The following FSHR variants were observed in gnomAD, a reference collection of about 807,000 sequenced individuals.
The protein encoded by FSHR is follicle-stimulating hormone receptor.
In FSHR, 46 loss-of-function variants were observed where a neutral mutation model predicts 52.1. That is an observed-to-expected ratio of 0.88 (90% CI 0.70 to 1.13). The LOEUF (loss-of-function observed/expected upper bound fraction) is 1.13. Among genes scored for constraint, FSHR ranks in the 50% most tolerant of loss-of-function variants. The pLI is 0.00. For missense variants in FSHR, 964 were observed against 834.6 expected, an observed-to-expected ratio of 1.16 and a Z score of -1.91; for synonymous variants, 399 against 309.6, an observed-to-expected ratio of 1.29 and a Z score of -3.03.
At chr2:49,082,070 G>A (rs1197194755) in intron 1 of FSHR, among the ~76,000 whole-genome samples, 1 of 152,190 alleles carries the variant, frequency 6.6e-6, no homozygotes, top group Non-Finnish European at 1.5e-5. Context: ...CTCCCAGCGT[G>A]AGCGACACAG....
chr2:48,966,485 G>A (rs1352288530), intron 9 of FSHR, among the ~76,000 whole-genome samples: 2 of 152,176 alleles, frequency 1.3e-5, no homozygotes, highest in African/African-American at 4.8e-5. Context: ...ACGAACTTTT[G>A]GGAAGAGCCC....
At chr2:48,966,919 G>A (rs1472522666) in intron 9 of FSHR, among the ~76,000 whole-genome samples, 1 of 152,160 alleles carries the variant, frequency 6.6e-6, no homozygotes. Flanking sequence ...GGTCTGGAGG[G>A]ATCAGAGAAG....
intron 2 of FSHR, among the ~76,000 whole-genome samples, chr2:49,051,280 T>C (rs908555699): frequency 3.9e-5 from 6 of 152,126 alleles, no homozygotes; most frequent in African/African-American, 1.4e-4. Context: ...ACCAAAGAGG[T>C]TGTACAATTT....
At chr2:48,989,423 C>A (rs905402181) in intron 5 of FSHR, among the ~76,000 whole-genome samples, 7 of 151,990 alleles carry the variant, frequency 4.6e-5, no homozygotes, top group Non-Finnish European at 7.4e-5. Context: ...GCTGGGACTG[C>A]AGGTGTGCAC....
chr2:49,056,222 A>G (rs1669057263), intron 2 of FSHR, among the ~76,000 whole-genome samples: 1 of 151,864 alleles, frequency 6.6e-6, no homozygotes, highest in African/African-American at 2.4e-5. Flanking sequence ...AAAGACCCAA[A>G]TATATGCTGC....
intron 1 of FSHR, among the ~76,000 whole-genome samples, chr2:49,132,986 A>AAAAAAAAAAAAAAAAAAAAG (rs1672343708): frequency 2.0e-5 from 3 of 149,596 alleles, no homozygotes; most frequent in African/African-American, 7.4e-5. Context: ...AAAAAAAAAA[A>AAAAAAAAAAAAAAAAAAAAG]AAAAAAAAAG....
intron 1 of FSHR, among the ~76,000 whole-genome samples, chr2:49,097,125 T>G (rs1670851693): frequency 6.6e-6 from 1 of 152,214 alleles, no homozygotes; most frequent in Non-Finnish European, 1.5e-5. Context: ...GAGGAATCCA[T>G]GGTCATTTGC....
intron 8 of FSHR, among the ~76,000 whole-genome samples, chr2:48,972,365 A>T (rs1343713172): frequency 6.6e-6 from 1 of 152,174 alleles, no homozygotes; most frequent in East Asian, 1.9e-4. Flanking sequence ...CTCCCTCCCT[A>T]TTATGATTCT....
intron 1 of FSHR, among the ~76,000 whole-genome samples, chr2:49,073,611 C>T (rs557137711): frequency 2.0e-5 from 3 of 152,118 alleles, no homozygotes; most frequent in East Asian, 3.9e-4. Flanking sequence ...GTTAAAATGA[C>T]TATACCACCC....
intron 1 of FSHR, among the ~76,000 whole-genome samples, chr2:49,090,406 AC>A (rs1385758758): frequency 6.6e-6 from 1 of 152,196 alleles, no homozygotes; most frequent in Admixed American, 6.5e-5. Context: ...CTTTCAGTTC[AC>A]TTGAGATTCA....
intron 8 of FSHR, among the ~76,000 whole-genome samples, chr2:48,979,911 C>T (rs974646894): frequency 6.6e-6 from 1 of 152,160 alleles, no homozygotes; most frequent in African/African-American, 2.4e-5. Context: ...ATAGCCTACG[C>T]ATACTCCTAC....
chr2:49,103,561 G>T (rs994046849), intron 1 of FSHR, among the ~76,000 whole-genome samples: 2 of 152,084 alleles, frequency 1.3e-5, no homozygotes, highest in African/African-American at 2.4e-5. Flanking sequence ...GACATCCAAG[G>T]ATGTCAAAGG....
At chr2:49,011,048 AG>A (rs1465233184) in intron 4 of FSHR, among the ~76,000 whole-genome samples, 9 of 150,402 alleles carry the variant, frequency 6.0e-5, no homozygotes, top group Non-Finnish European at 8.9e-5. Context: ...CTCTGATTTT[AG>A]TTATTTCTTG....
chr2:49,013,463 A>T (rs1253465163), intron 4 of FSHR, among the ~76,000 whole-genome samples: 4 of 133,280 alleles, frequency 3.0e-5, no homozygotes, highest in East Asian at 4.2e-4. Flanking sequence ...TATATATATA[A>T]ATATATATAT....
intron 2 of FSHR, among the ~76,000 whole-genome samples, chr2:49,023,090 G>A (rs1667795373): frequency 6.6e-6 from 1 of 152,120 alleles, no homozygotes; most frequent in Non-Finnish European, 1.5e-5. Context: ...TATGCAGAGT[G>A]TGATAGAGGA....
intron 1 of FSHR, among the ~76,000 whole-genome samples, chr2:49,105,772 C>G (rs1400233788): frequency 6.6e-6 from 1 of 152,180 alleles, no homozygotes; most frequent in Non-Finnish European, 1.5e-5. Flanking sequence ...AGCAGACAAA[C>G]AAAGCTTTAG....
At chr2:49,056,159 A>G (rs1043876065) in intron 2 of FSHR, among the ~76,000 whole-genome samples, 2 of 152,042 alleles carry the variant, frequency 1.3e-5, no homozygotes, top group African/African-American at 4.8e-5. Flanking sequence ...TTGAATGTAA[A>G]TAGATTAAAT....
At chr2:49,101,984 G>C (rs1671043066) in intron 1 of FSHR, among the ~76,000 whole-genome samples, 1 of 152,050 alleles carries the variant, frequency 6.6e-6, no homozygotes, top group Non-Finnish European at 1.5e-5. Context: ...TCATGACCTA[G>C]TCACCTTTTA....
chr2:49,118,143 T>A (rs976413636), intron 1 of FSHR, among the ~76,000 whole-genome samples: 1 of 151,986 alleles, frequency 6.6e-6, no homozygotes, highest in Non-Finnish European at 1.5e-5. Context: ...TAAAAAGGTA[T>A]CTATCCACTC....
Sources: gnomAD v4.1 joint callset for allele counts (sites outside exome capture counted in the v4.1 genomes callset) on GRCh38, gnomAD v4.1.1 for gene constraint, MANE v1.5 for transcripts, NCBI Gene and HGNC (gene_info 2026-07-23, HGNC 2026-07-21) for gene names.